The following DAG1 variants were observed in gnomAD, a reference collection of about 807,000 sequenced individuals.
DAG1 encodes dystroglycan 1.
DAG1 carries 8 observed loss-of-function variants against 46.1 expected under a neutral mutation model. That is an observed-to-expected ratio of 0.17 (90% CI 0.10 to 0.31). The LOEUF (loss-of-function observed/expected upper bound fraction) is 0.31. Among genes scored for constraint, DAG1 ranks in the 10% least tolerant of loss-of-function variants. The pLI, the probability that DAG1 is intolerant of heterozygous loss-of-function variation, is 1.00. For missense variants in DAG1, 1,003 were observed against 1,189.9 expected (o/e 0.84, Z 2.31); for synonymous variants, 495 against 481.8 (o/e 1.03, Z -0.36).
chr3:49,514,048 T>C (rs2107682839), intron 2 of DAG1, among the ~76,000 whole-genome samples: 1 of 152,340 alleles, frequency 6.6e-6, no homozygotes, highest in Admixed American at 6.5e-5. Flanking sequence ...GAGATTTTAC[T>C]GAGAAAACAG....
At chr3:49,511,037 C>T in intron 2 of DAG1, 1 of 908,682 alleles carries the variant, frequency 1.1e-6, no homozygotes, top group South Asian at 5.1e-5. Flanking sequence ...AGGGCATCAC[C>T]ATGTAATAGC....
At chr3:49,490,128 C>T (rs1369500702) in intron 1 of DAG1, among the ~76,000 whole-genome samples, 7 of 152,012 alleles carry the variant, frequency 4.6e-5, no homozygotes, top group East Asian at 1.9e-4. Context: ...CCGAGGCAGA[C>T]GGATCACGAG....
At chr3:49,529,576 G>T (rs918794210) in intron 2 of DAG1, among the ~76,000 whole-genome samples, 1 of 152,138 alleles carries the variant, frequency 6.6e-6, no homozygotes, top group Admixed American at 6.5e-5. Flanking sequence ...GCATTTTAGG[G>T]TCCCCCTATT....
At chr3:49,514,990 G>A (rs1167769726) in intron 2 of DAG1, among the ~76,000 whole-genome samples, 1 of 152,198 alleles carries the variant, frequency 6.6e-6, no homozygotes, top group Admixed American at 6.5e-5. Flanking sequence ...CTCCTGAATA[G>A]CTGGGACTAC....
At chr3:49,488,015 C>G (rs1484804761) in intron 1 of DAG1, among the ~76,000 whole-genome samples, 3 of 152,050 alleles carry the variant, frequency 2.0e-5, no homozygotes, top group Admixed American at 1.3e-4. Flanking sequence ...CCCATAAATT[C>G]TTGATAGCAA....
intron 1 of DAG1, among the ~76,000 whole-genome samples, chr3:49,503,292 C>T (rs546601434): frequency 1.3e-5 from 2 of 152,244 alleles, no homozygotes; most frequent in East Asian, 1.9e-4. Context: ...TTTGCTGTTA[C>T]TTTAATTTTC....
At chr3:49,487,624 GA>G in intron 1 of DAG1, among the ~76,000 whole-genome samples, 1 of 151,650 alleles carries the variant, frequency 6.6e-6, no homozygotes, top group African/African-American at 2.4e-5. Context: ...TACCTGGGAG[GA>G]AACCACATGG....
intron 2 of DAG1, among the ~76,000 whole-genome samples, chr3:49,528,817 A>G (rs1242970271): frequency 3.3e-5 from 5 of 151,728 alleles, no homozygotes; most frequent in South Asian, 2.1e-4. Flanking sequence ...TCAGAGAGCA[A>G]TTAGGAAATG....
intron 1 of DAG1, among the ~76,000 whole-genome samples, chr3:49,471,376 T>C (rs2049514623): frequency 6.6e-6 from 1 of 152,226 alleles, no homozygotes; most frequent in African/African-American, 2.4e-5. Context: ...CAAAGTCTGG[T>C]GTAGATGGGG....
At chr3:49,511,287 C>T (rs1023860163) in intron 2 of DAG1, among the ~76,000 whole-genome samples, 1 of 152,210 alleles carries the variant, frequency 6.6e-6, no homozygotes, top group African/African-American at 2.4e-5. Flanking sequence ...AGTACCCAAA[C>T]TTCAGCCTTG....
In DAG1 at chr3:49,533,534, A is replaced by G; in HGVS notation, c.*335A>G. The G allele has an allele frequency of 1.9e-6, 1 of 526,586 alleles. No homozygotes were observed. The highest frequency in any genetic ancestry group is 1.7e-5 in the South Asian group (1 of 60,396). The allele number at this position is 526,586 out of a possible 1,614,324, so 32.6% of individuals were successfully genotyped here. A position where few individuals can be genotyped will look rare whatever the true frequency, so the allele number is the denominator to read the frequency against. On this transcript the variant is annotated 3_prime_UTR_variant, in exon 3 of 3. Coordinates refer to ENST00000308775, the MANE Select transcript of DAG1 (RefSeq NM_004393.6). The stretch of plus-strand genomic sequence containing the variant: ...AGCGAGGAACCATGAATGAACTCGC[A>G]GGCAGTGCCGGGCGGCCCCCTGGCT...
At chr3:49,482,176 A>G (rs989880263) in intron 1 of DAG1, among the ~76,000 whole-genome samples, 4 of 152,304 alleles carry the variant, frequency 2.6e-5, no homozygotes, top group Non-Finnish European at 4.4e-5. Context: ...TCTAGTCTCA[A>G]TAAACTGGGG....
At chr3:49,484,355 A>G (rs555268721) in intron 1 of DAG1, among the ~76,000 whole-genome samples, 83 of 152,128 alleles carry the variant, frequency 5.5e-4, no homozygotes, top group Admixed American at 9.2e-4. Flanking sequence ...CTAACCTGAC[A>G]GGTCCTGTGG....
In DAG1 at chr3:49,528,757, C is replaced by T. The variant is rs898914300; in HGVS notation, c.286-2040C>T. Among the ~76,000 whole-genome samples the T allele has an allele frequency of 6.6e-5, 10 of 151,904 alleles. No individual in the cohort carries two copies. In the South Asian group the frequency reaches 2.1e-3, roughly 32 times the overall value. The stretch of plus-strand genomic sequence containing the variant: ...ATGATGGCACATCTTAGAGTTGATG[C>T]AATGTGGTATCACAAAAGAAACACT... On this transcript the variant is annotated intron_variant, in intron 2 of 2. Transcript: ENST00000308775.
intron 2 of DAG1, among the ~76,000 whole-genome samples, chr3:49,523,457 G>A (rs2051091908): frequency 6.6e-6 from 1 of 152,134 alleles, no homozygotes; most frequent in African/African-American, 2.4e-5. Flanking sequence ...CTTCCCCCAT[G>A]CCCCTTAGTG....
chr3:49,475,127 G>A (rs2049643263), intron 1 of DAG1, among the ~76,000 whole-genome samples: 1 of 141,132 alleles, frequency 7.1e-6, no homozygotes. Context: ...TTTTTAAGAT[G>A]GAGTTTCGCT....
At chr3:49,523,818 T>C (rs1024734596) in intron 2 of DAG1, among the ~76,000 whole-genome samples, 9 of 152,330 alleles carry the variant, frequency 5.9e-5, no homozygotes, top group South Asian at 2.1e-4. Flanking sequence ...TCATATGAGG[T>C]TGGGATTGTT....
chr3:49,527,116 GT>G (rs2051193379), intron 2 of DAG1, among the ~76,000 whole-genome samples: 1 of 152,236 alleles, frequency 6.6e-6, no homozygotes, highest in Non-Finnish European at 1.5e-5. Flanking sequence ...TTGTGGCCGG[GT>G]GCGGTGGCTC....
At chr3:49,514,619 C>T (rs1370750280) in intron 2 of DAG1, among the ~76,000 whole-genome samples, 1 of 151,234 alleles carries the variant, frequency 6.6e-6, no homozygotes, top group South Asian at 2.1e-4. Flanking sequence ...TACAGGCATG[C>T]GCTACCACAC....
Sources: gnomAD v4.1 joint callset for allele counts (sites outside exome capture counted in the v4.1 genomes callset) on GRCh38, gnomAD v4.1.1 for gene constraint, MANE v1.5 for transcripts, NCBI Gene and HGNC (gene_info 2026-07-23, HGNC 2026-07-21) for gene names.